Variants in MKNK1 observed in about 807,000 individuals in gnomAD.
MKNK1 encodes the protein MAP kinase-interacting serine/threonine-protein kinase 1.
Under a neutral mutation model 49.3 loss-of-function variants are expected in MKNK1, and 30 were observed. That is an observed-to-expected ratio of 0.61 (90% CI 0.46 to 0.83). MKNK1 has a LOEUF of 0.83. Ranked by LOEUF, MKNK1 falls within the 40% of genes least tolerant of loss-of-function variation. MKNK1 has a pLI of 0.00. For synonymous variants in MKNK1, 176 were observed against 201.7 expected (o/e 0.87, Z 1.08); for missense variants, 423 against 524.7 (o/e 0.81, Z 1.89).
At chr1:46,583,187 G>C (rs750258778) in intron 3 of MKNK1, 41 bp downstream of exon 3, 13 of 1,525,232 alleles carry the variant, frequency 8.5e-6, no homozygotes, top group Non-Finnish European at 1.0e-5. Context: ...CCCATGCTTG[G>C]GAAGCTGCAG....
intron 4 of MKNK1, 113 bp from the exon 5 acceptor site, chr1:46,576,767 C>A (rs1671027259): frequency 2.2e-6 from 2 of 923,436 alleles, no homozygotes; most frequent in African/African-American, 1.6e-5. Flanking sequence ...CAGTGTCCAG[C>A]AGAAGTCTGG....
At chr1:46,584,912 A>C (rs1208342361) in intron 2 of MKNK1, 1 of 152,154 alleles carries the variant, frequency 6.6e-6, no homozygotes, top group East Asian at 1.9e-4. Context: ...AAGAGCTTCA[A>C]ACACAAGATA....
chr1:46,563,870 C>T (rs1375845543), intron 9 of MKNK1, among the ~76,000 whole-genome samples: 1 of 145,072 alleles, frequency 6.9e-6, no homozygotes, highest in Non-Finnish European at 1.5e-5. Flanking sequence ...ATGGTGAAAC[C>T]CCGTCTCTAC....
chr1:46,564,270 C>T (rs1668602940), intron 9 of MKNK1, among the ~76,000 whole-genome samples: 1 of 151,690 alleles, frequency 6.6e-6, no homozygotes, highest in Admixed American at 6.6e-5. Context: ...CAGTTCCCAC[C>T]ACAGAGAGAC....
In MKNK1 at chr1:46,577,650, C is replaced by T. The variant is rs570520894; in HGVS notation, c.199-996G>A. Among the ~76,000 whole-genome samples the T allele has an allele frequency of 3.7e-4, 56 of 152,312 alleles. No individual in the cohort carries two copies. In the South Asian group the frequency reaches 0.01, roughly 28 times the overall value. On this transcript the variant is annotated intron_variant, in intron 4 of 12. Transcript: ENST00000371945. ...ACCTGCTTAGATGCTCTAACTTCTT[C>T]GAGGACCTGGAGGCTTTGTCTCTCC...
At chr1:46,564,520 A>G (rs539193712) in intron 9 of MKNK1, among the ~76,000 whole-genome samples, 37 of 109,762 alleles carry the variant, frequency 3.4e-4, no homozygotes, top group African/African-American at 1.3e-3. Flanking sequence ...CTTGTTGCCC[A>G]GGCTGGAGTG....
chr1:46,581,508 CAAAAAAA>C (rs36099600), intron 3 of MKNK1, among the ~76,000 whole-genome samples: 30 of 41,648 alleles, frequency 7.2e-4, no homozygotes, highest in African/African-American at 3.0e-3. Flanking sequence ...GACCCCATAT[CAAAAAAA>C]AAAAAAAAAA....
chr1:46,559,894 A>G (rs2148532415), intron 12 of MKNK1: 1 of 398,238 alleles, frequency 2.5e-6, no homozygotes, highest in South Asian at 2.8e-5. Flanking sequence ...CTTTCATTAA[A>G]TACAAGGGCA....
chr1:46,599,448 A>C (rs1205018580), intron 1 of MKNK1, among the ~76,000 whole-genome samples: 1 of 152,178 alleles, frequency 6.6e-6, no homozygotes, highest in Non-Finnish European at 1.5e-5. Context: ...TCTACTAGCT[A>C]AGGATGGCAA....
At chr1:46,560,211 G>T (rs562759934) in intron 12 of MKNK1, 23 bp downstream of exon 12, 2 of 1,613,412 alleles carry the variant, frequency 1.2e-6, no homozygotes, top group African/African-American at 2.7e-5. Flanking sequence ...AGAGCATGGC[G>T]TGGGGGTGGT....
At chr1:46,583,112 TA>T in intron 3 of MKNK1, 115 bp downstream of exon 3, 3 of 793,360 alleles carry the variant, frequency 3.8e-6, no homozygotes, top group Non-Finnish European at 6.6e-6. Context: ...ACCACACAGA[TA>T]ACCACCATCT....
At chr1:46,594,815 T>C in intron 1 of MKNK1, 1 of 401,902 alleles carries the variant, frequency 2.5e-6, no homozygotes, top group Non-Finnish European at 4.9e-6. Flanking sequence ...GGCAACATGG[T>C]GAAACCCATC....
intron 2 of MKNK1, among the ~76,000 whole-genome samples, chr1:46,587,386 G>C (rs573079838): frequency 2.5e-4 from 38 of 152,328 alleles, no homozygotes; most frequent in African/African-American, 9.1e-4. Flanking sequence ...GGCATCAGGC[G>C]AGCAAGGCAG....
At chr1:46,586,222 A>G (rs1570266033) in intron 2 of MKNK1, 2 of 300,964 alleles carry the variant, frequency 6.6e-6, no homozygotes, top group East Asian at 1.6e-4. Context: ...GTAAAGCTGC[A>G]CCTTGGCTCA....
At position 46,568,515 on chromosome 1, in the gene MKNK1, CA is replaced by C; in HGVS notation, c.458-18del. On this transcript the variant is annotated intron_variant, in intron 7 of 12. Transcript: ENST00000371945. ...GAGCAATGCCTGACATGACAAAGAGCAAAAAAATGGTTAACATATGCAGATA... is the reference window on the plus strand; with the variant it reads ...GAGCAATGCCTGACATGACAAAGAGCAAAAAATGGTTAACATATGCAGATA... 3.7e-6 allele frequency: 6 copies of C among 1,607,154 alleles called. No homozygotes were observed. Among genetic ancestry groups the C allele is most frequent in the East Asian group, 2.2e-5 (1 of 44,824 alleles).
At position 46,594,967 on chromosome 1, in the gene MKNK1, A is replaced by T. The variant is rs774093631; in HGVS notation, c.-170-687T>A. On this transcript the variant is annotated intron_variant, in intron 1 of 12. Transcript: ENST00000371945. Reference sequence around the variant, plus strand: ...ATGCCACTGCACTCCAACCTGGGTGACAGAGCGAGGCACTCCTCTGCTATC... The same window carrying T: ...ATGCCACTGCACTCCAACCTGGGTGTCAGAGCGAGGCACTCCTCTGCTATC... 16 of 252,990 alleles carry T rather than the reference A, an allele frequency of 6.3e-5. 1 individual carries two copies. Among genetic ancestry groups the T allele is most frequent in the South Asian group, 4.6e-4 (15 of 32,602 alleles). 15.7% of individuals were successfully genotyped at this position (252,990 alleles called of 1,614,324 possible).
At chr1:46,582,025 T>C (rs1468422796) in intron 3 of MKNK1, among the ~76,000 whole-genome samples, 1 of 152,180 alleles carries the variant, frequency 6.6e-6, no homozygotes, top group African/African-American at 2.4e-5. Flanking sequence ...CAACCATGAA[T>C]TAGATTTTAT....
intron 10 of MKNK1, 65 bp downstream of exon 10, chr1:46,562,584 T>G: frequency 6.7e-7 from 1 of 1,493,590 alleles, no homozygotes; most frequent in East Asian, 2.6e-5. Flanking sequence ...CAGTCCTGCT[T>G]GGCATCCCCC....
intron 4 of MKNK1, among the ~76,000 whole-genome samples, chr1:46,578,426 G>C (rs1671280280): frequency 6.6e-6 from 1 of 152,176 alleles, no homozygotes; most frequent in Non-Finnish European, 1.5e-5. Flanking sequence ...CCAGAGTCCA[G>C]TGTTTGCCTC....
Sources: gnomAD v4.1 joint callset for allele counts (sites outside exome capture counted in the v4.1 genomes callset) on GRCh38, gnomAD v4.1.1 for gene constraint, MANE v1.5 for transcripts, NCBI Gene and HGNC (gene_info 2026-07-23, HGNC 2026-07-21) for gene names.